RABGAP1L: variants seen among roughly 807,000 people sequenced by gnomAD.
The protein encoded by RABGAP1L is RAB GTPase activating protein 1 like.
RABGAP1L carries 63 observed loss-of-function variants against 137.7 expected under a neutral mutation model. That is an observed-to-expected ratio of 0.46 (90% confidence interval 0.37 to 0.56). The LOEUF is 0.56. Among genes scored for constraint, RABGAP1L ranks in the 20% least tolerant of loss-of-function variants. The probability of loss-of-function intolerance (pLI) is 0.00; values close to 1 mark genes in which losing one functional copy is unlikely to be tolerated. For synonymous variants in RABGAP1L, 431 were observed against 433.7 expected (o/e 0.99, Z 0.08); for missense variants, 1,095 against 1,244.0 (o/e 0.88, Z 1.80).
intron 13 of RABGAP1L, among the ~76,000 whole-genome samples, chr1:174,428,352 G>A (rs1177449786): frequency 1.3e-5 from 2 of 152,154 alleles, no homozygotes; most frequent in Non-Finnish European, 2.9e-5. Flanking sequence ...TGGGGGAAGT[G>A]TAGAGGAGGG....
chr1:174,578,867 A>G (rs1668549966), intron 13 of RABGAP1L, among the ~76,000 whole-genome samples: 1 of 152,192 alleles, frequency 6.6e-6, no homozygotes, highest in African/African-American at 2.4e-5. Flanking sequence ...AACATAGAGA[A>G]GATAGTTTTG....
In RABGAP1L at chr1:174,939,835, G is replaced by A. The variant is rs114547048; in HGVS notation, c.2341-17622G>A. On this transcript the variant is annotated intron_variant, in intron 19 of 25. Coordinates refer to ENST00000681986, the MANE Select transcript of RABGAP1L (RefSeq NM_001366446.1). The stretch of plus-strand genomic sequence containing the variant: ...TCATCACATATTTCCTGTAACACCC[G>A]TACTTGAGGAAAATGTATGGGCATA... Among the ~76,000 whole-genome samples, 1,105 of 152,196 alleles carry A rather than the reference G, an allele frequency of 7.3e-3. 11 individuals carry two copies. Among genetic ancestry groups the A allele is most frequent in the African/African-American group, 0.025 (1,053 of 41,500 alleles).
At chr1:174,284,117 T>C (rs1675833286) in intron 10 of RABGAP1L, among the ~76,000 whole-genome samples, 1 of 152,224 alleles carries the variant, frequency 6.6e-6, no homozygotes, top group African/African-American at 2.4e-5. Flanking sequence ...TTTGTGTGTG[T>C]GTAGAACACT....
chr1:174,597,954 A>T (rs1266783478), intron 13 of RABGAP1L, among the ~76,000 whole-genome samples: 2 of 152,164 alleles, frequency 1.3e-5, no homozygotes, highest in Admixed American at 1.3e-4. Context: ...GTGTTTGTAT[A>T]GTTTCCAACA....
At chr1:174,957,328 C>G in intron 19 of RABGAP1L, 129 bp from the exon 20 acceptor site, 3 of 696,628 alleles carry the variant, frequency 4.3e-6, no homozygotes, top group Non-Finnish European at 7.5e-6. Context: ...TCTGGAATCT[C>G]TATTTTTCTC....
chr1:174,342,844 T>A (rs932288104), intron 11 of RABGAP1L, among the ~76,000 whole-genome samples: 2 of 151,314 alleles, frequency 1.3e-5, no homozygotes, highest in Non-Finnish European at 3.0e-5. Flanking sequence ...GTTCAAGTGA[T>A]TCTCCTTCCT....
intron 1 of RABGAP1L, among the ~76,000 whole-genome samples, chr1:174,164,386 A>G (rs1350623279): frequency 6.6e-6 from 1 of 152,228 alleles, no homozygotes; most frequent in African/African-American, 2.4e-5. Context: ...TTACCTGAAC[A>G]TTTATTAAAC....
At chr1:174,257,652 C>T (rs944750452) in intron 7 of RABGAP1L, among the ~76,000 whole-genome samples, 1 of 152,120 alleles carries the variant, frequency 6.6e-6, no homozygotes, top group African/African-American at 2.4e-5. Context: ...CACATTATGT[C>T]AACTTCTGCC....
intron 13 of RABGAP1L, among the ~76,000 whole-genome samples, chr1:174,403,679 G>T (rs1171748351): frequency 6.6e-6 from 1 of 151,994 alleles, no homozygotes; most frequent in Non-Finnish European, 1.5e-5. Context: ...GTCAGGGCAT[G>T]TTTCTAATTT....
chr1:174,806,977 G>A (rs547458593), intron 18 of RABGAP1L, among the ~76,000 whole-genome samples: 27 of 152,196 alleles, frequency 1.8e-4, no homozygotes, highest in African/African-American at 6.5e-4. Flanking sequence ...GTAGATACAG[G>A]GTTTCACCAT....
intron 15 of RABGAP1L, among the ~76,000 whole-genome samples, chr1:174,692,746 G>GTC (rs1235266283): frequency 1.3e-5 from 2 of 152,076 alleles, no homozygotes; most frequent in African/African-American, 4.8e-5. Flanking sequence ...ATAAGACAGA[G>GTC]TCTCTGTCTT....
intron 15 of RABGAP1L, among the ~76,000 whole-genome samples, chr1:174,696,841 T>C (rs1679297166): frequency 6.6e-6 from 1 of 152,242 alleles, no homozygotes; most frequent in African/African-American, 2.4e-5. Flanking sequence ...CTGTGATTGC[T>C]CACCTGATTT....
intron 13 of RABGAP1L, among the ~76,000 whole-genome samples, chr1:174,498,346 G>A (rs1414275206): frequency 6.6e-6 from 1 of 151,926 alleles, no homozygotes; most frequent in African/African-American, 2.4e-5. Context: ...TTAATTAAAA[G>A]GTCTTGTTGA....
chr1:174,516,783 G>A (rs1662898460), intron 13 of RABGAP1L, among the ~76,000 whole-genome samples: 1 of 151,866 alleles, frequency 6.6e-6, no homozygotes, highest in Admixed American at 6.6e-5. Flanking sequence ...TTGAACCCAA[G>A]AATTTGAACG....
chr1:174,781,993 G>A (rs1687049432), intron 18 of RABGAP1L, among the ~76,000 whole-genome samples: 1 of 152,192 alleles, frequency 6.6e-6, no homozygotes, highest in Non-Finnish European at 1.5e-5. Context: ...TTGAAGTAAG[G>A]TAGCGTGATG....
intron 1 of RABGAP1L, among the ~76,000 whole-genome samples, chr1:174,206,302 A>T (rs1668501485): frequency 6.6e-6 from 1 of 152,182 alleles, no homozygotes; most frequent in Non-Finnish European, 1.5e-5. Flanking sequence ...AGAGCTAGAG[A>T]CATACTTGTG....
intron 13 of RABGAP1L, among the ~76,000 whole-genome samples, chr1:174,516,120 TACACACACACACACACAC>T (rs61414923): frequency 1.1e-4 from 14 of 133,306 alleles, no homozygotes; most frequent in South Asian, 5.0e-4. Flanking sequence ...ACTGAAGCTC[TACACACACACACACACAC>T]ACACACACAC....
intron 19 of RABGAP1L, among the ~76,000 whole-genome samples, chr1:174,944,541 G>A (rs1666431464): frequency 6.6e-6 from 1 of 151,616 alleles, no homozygotes; most frequent in African/African-American, 2.4e-5. Context: ...GGAGGCTGAG[G>A]TGAGAGGATT....
chr1:174,455,129 C>T (rs946645708), intron 13 of RABGAP1L, among the ~76,000 whole-genome samples: 6 of 152,124 alleles, frequency 3.9e-5, no homozygotes, highest in African/African-American at 1.2e-4. Flanking sequence ...ATGAAAGGCA[C>T]ATATCACCAC....
Sources: allele counts gnomAD v4.1 joint callset (sites outside exome capture counted in the v4.1 genomes callset), GRCh38; gene constraint gnomAD v4.1.1; transcripts MANE v1.5; gene names NCBI Gene and HGNC (gene_info 2026-07-23, HGNC 2026-07-21).